The following AOX1 variants were observed in gnomAD, a reference collection of about 807,000 sequenced individuals.
The protein encoded by AOX1 is aldehyde oxidase.
AOX1 carries 153 observed loss-of-function variants against 169.5 expected under a neutral mutation model. The ratio of observed to expected loss-of-function variants is 0.90; its 90% CI spans 0.79 to 1.03. The LOEUF (loss-of-function observed/expected upper bound fraction) is 1.03. Among genes scored for constraint, AOX1 ranks in the 50% least tolerant of loss-of-function variants. The pLI is 0.00. For synonymous variants in AOX1, 562 were observed against 581.9 expected (o/e 0.97, Z 0.49); for missense variants, 1,656 against 1,663.9 (o/e 1.00, Z 0.08).
chr2:200,667,757 G>C (rs114275619), intron 32 of AOX1, among the ~76,000 whole-genome samples: 1,666 of 151,996 alleles, frequency 0.011, 39 homozygotes, highest in African/African-American at 0.038. Context: ...ACTGCCAGGG[G>C]TGGGTGGAGG....
At chr2:200,661,486 T>C (rs1229812405) in intron 29 of AOX1, 93 bp from the exon 30 acceptor site, 5 of 1,003,516 alleles carry the variant, frequency 5.0e-6, no homozygotes, top group Non-Finnish European at 7.8e-6. Context: ...CTGATAGTTT[T>C]ATTTAACACA....
downstream of AOX1, chr2:200,681,319 A>G (rs2036150876): frequency 6.6e-6 from 1 of 152,554 alleles, no homozygotes. Flanking sequence ...AGAGACTCTT[A>G]CCTCTAAACT....
intron 9 of AOX1, 21 bp downstream of exon 9, chr2:200,604,861 T>C: frequency 6.2e-7 from 1 of 1,611,822 alleles, no homozygotes; most frequent in East Asian, 2.2e-5. Context: ...CCCCAGGGAT[T>C]TTTTATAGGG....
intron 20 of AOX1, among the ~76,000 whole-genome samples, chr2:200,628,108 A>G (rs1313395247): frequency 6.6e-6 from 1 of 152,188 alleles, no homozygotes. Flanking sequence ...GAGATATTTT[A>G]AAACTTACAT....
intron 31 of AOX1, among the ~76,000 whole-genome samples, chr2:200,665,339 G>A (rs942331195): frequency 6.6e-5 from 10 of 152,182 alleles, no homozygotes; most frequent in African/African-American, 2.2e-4. Context: ...ATTATCCAGA[G>A]CCATCTTTTA....
At position 200,599,640 on chromosome 2, in the gene AOX1, T is replaced by C; in HGVS notation, c.330T>C (p.His110=). ...HPVQERIAKC[H]GTQCGFCTPG... ...TCCAGGAGAGGATTGCCAAGTGTCA[T>C]GGCACCCAGTGTGGCTTCTGCACAC... The change falls in exon 5 of 35, where the codon CAT becomes CAC. Residue 110 remains histidine, a synonymous_variant. Coordinates refer to ENST00000374700, the MANE Select transcript of AOX1 (RefSeq NM_001159.4). 1.9e-6 allele frequency: 3 copies of C among 1,612,192 alleles called. No homozygotes were observed. The South Asian group carries it at 3.3e-5, about 18-fold the overall frequency.
intron 16 of AOX1, 146 bp from the exon 17 acceptor site, chr2:200,620,504 C>A: frequency 1.4e-6 from 1 of 730,724 alleles, no homozygotes; most frequent in Non-Finnish European, 2.0e-6. Context: ...CCACTGTGCC[C>A]AGCCCAATAG....
intron 20 of AOX1, among the ~76,000 whole-genome samples, chr2:200,630,445 C>A (rs372102543): frequency 4.6e-5 from 7 of 151,668 alleles, no homozygotes; most frequent in Non-Finnish European, 8.8e-5. Flanking sequence ...ATGGCTTGAA[C>A]CCGGTAGGCG....
chr2:200,615,095 T>G (rs1014442067), intron 15 of AOX1, among the ~76,000 whole-genome samples: 3 of 152,056 alleles, frequency 2.0e-5, no homozygotes, highest in Non-Finnish European at 4.4e-5. Context: ...AGCCTCAACT[T>G]CCTGGACTCA....
At chr2:200,595,965 G>T (rs148712988) in intron 3 of AOX1, among the ~76,000 whole-genome samples, 1 of 152,190 alleles carries the variant, frequency 6.6e-6, no homozygotes, top group East Asian at 1.9e-4. Context: ...TTTATGTTTG[G>T]TATTTATCCT....
rs773171778 is a variant in AOX1, at chr2:200,603,339, T to A, written c.571T>A (p.Phe191Ile). 3.7e-6 allele frequency: 6 copies of A among 1,613,746 alleles called. No individual in the cohort carries two copies. Among genetic ancestry groups the A allele is most frequent in the Middle Eastern group, 3.3e-4 (2 of 6,056 alleles). The change falls in exon 7 of 35, where the codon TTT (phenylalanine) becomes ATT (isoleucine). Residue 191 changes from phenylalanine (F) to isoleucine (I), a missense_variant. By Grantham distance (21) the Phe-to-Ile change is conservative (BLOSUM62 0). Coordinates refer to ENST00000374700, the MANE Select transcript of AOX1 (RefSeq NM_001159.4). Reference protein sequence around the residue: ...LDQGINGLPEFEEGSKTSPKL... With the variant: ...LDQGINGLPEIEEGSKTSPKL... ...TCAAGGAATCAATGGATTGCCAGAA[T>A]TTGAGGAAGGAAGTAAGGTCAGTGA...
At chr2:200,670,093 A>G (rs947346758) in intron 34 of AOX1, among the ~76,000 whole-genome samples, 4 of 152,158 alleles carry the variant, frequency 2.6e-5, no homozygotes, top group African/African-American at 7.2e-5. Flanking sequence ...CACCCAGTCC[A>G]GGAATATAGG....
At chr2:200,617,509 TATG>T (rs1264542892) in intron 16 of AOX1, among the ~76,000 whole-genome samples, 1 of 145,916 alleles carries the variant, frequency 6.9e-6, no homozygotes, top group African/African-American at 2.5e-5. Flanking sequence ...AAAAAAAATG[TATG>T]ATATCTTTGA....
chr2:200,612,535 C>T, intron 13 of AOX1, 74 bp from the exon 14 acceptor site: 7 of 1,477,924 alleles, frequency 4.7e-6, no homozygotes, highest in Middle Eastern at 2.5e-4. Flanking sequence ...AGGTGATACT[C>T]AAGACACACA....
At chr2:200,620,199 CTTTTTT>C (rs34887452) in intron 16 of AOX1, among the ~76,000 whole-genome samples, 3 of 130,802 alleles carry the variant, frequency 2.3e-5, no homozygotes, top group Non-Finnish European at 4.8e-5. Context: ...TTAATAGTGA[CTTTTTT>C]TTTTTTTTTT....
At chr2:200,676,747 G>A (rs978817388) in intron 4 of AOX1, 30 of 328,152 alleles carry the variant, frequency 9.1e-5, no homozygotes, top group African/African-American at 5.0e-4. Context: ...GAAAGTGGGG[G>A]TAACAGAGCA....
In AOX1 at chr2:200,604,817, T is replaced by A; in HGVS notation, c.791T>A (p.Val264Asp). 6.2e-7 allele frequency: 1 copy of A among 1,613,982 alleles called. No individual in the cohort carries two copies. Among genetic ancestry groups the A allele is most frequent in the South Asian group, 1.1e-5 (1 of 91,068 alleles). Reference sequence around the variant, plus strand: ...AAATTCAAGTATCCCCAGGCTCCTGTTATCATGGGAAACACCTCTGTGGGT... The same window carrying A: ...AAATTCAAGTATCCCCAGGCTCCTGATATCATGGGAAACACCTCTGTGGGT... Reference protein sequence around the residue: ...EFKFKYPQAPVIMGNTSVGPE... With the variant: ...EFKFKYPQAPDIMGNTSVGPE... The change falls in exon 9 of 35, where the codon GTT (valine) becomes GAT (aspartate). Residue 264 changes from valine to aspartate, a missense_variant. Transcript: ENST00000374700.
downstream of AOX1, among the ~76,000 whole-genome samples, chr2:200,671,658 A>G (rs901382108): frequency 3.0e-4 from 46 of 152,198 alleles, no homozygotes; most frequent in African/African-American, 1.0e-3. Context: ...GGACAGCAGT[A>G]AGTATTGGCT....
At chr2:200,651,797 C>T (rs896088396) in intron 26 of AOX1, among the ~76,000 whole-genome samples, 7 of 152,096 alleles carry the variant, frequency 4.6e-5, no homozygotes, top group Non-Finnish European at 7.4e-5. Context: ...AAAGAAATCC[C>T]CTTGCTTGGT....
Sources: gnomAD v4.1 joint callset for allele counts (sites outside exome capture counted in the v4.1 genomes callset) on GRCh38, gnomAD v4.1.1 for gene constraint, MANE v1.5 for transcripts, NCBI Gene and HGNC (gene_info 2026-07-23, HGNC 2026-07-21) for gene names.